SRGAP3: variants seen among roughly 807,000 people sequenced by gnomAD.
The protein encoded by SRGAP3 is SLIT-ROBO Rho GTPase-activating protein 3.
SRGAP3 carries 39 observed loss-of-function variants against 121.1 expected under a neutral mutation model. The observed-to-expected ratio is 0.32, with a 90% CI of 0.25 to 0.42. The LOEUF (loss-of-function observed/expected upper bound fraction) is 0.42, where lower values mean the gene tolerates loss of function less well. Among genes scored for constraint, SRGAP3 ranks in the 10% least tolerant of loss-of-function variants. SRGAP3 has a pLI of 1.00. For missense variants in SRGAP3, 1,213 were observed against 1,470.6 expected (o/e 0.82, Z 2.86); for synonymous variants, 601 against 570.0 (o/e 1.05, Z -0.77).
In SRGAP3 at chr3:8,994,397, C is replaced by T. The variant is rs769424266; in HGVS notation, c.2354G>A (p.Arg785Gln). 1.2e-5 allele frequency: 19 copies of T among 1,614,092 alleles called. No homozygotes were observed. The highest frequency in any genetic ancestry group is 1.6e-4 in the Middle Eastern group (1 of 6,084). ...HRASEDWWEG[R>Q]HNGVDGLIPH... Reference sequence around the variant, plus strand: ...GATGAGTCCATCCACGCCGTTGTGCCGGCCCTCCCACCAGTCCTCCGAGGC... The same window carrying T: ...GATGAGTCCATCCACGCCGTTGTGCTGGCCCTCCCACCAGTCCTCCGAGGC... The change falls in exon 19 of 22, where the codon CGG becomes CAG. Residue 785 changes from arginine (R) to glutamine (Q), a missense_variant. Physicochemically the swap from Arg to Gln is conservative, Grantham distance 43 (BLOSUM62 1). Around this residue, in one of 2 missense-constraint regions of SRGAP3, gnomAD observed 793 missense variants for 1,032.9 expected, o/e 0.77. Coordinates refer to ENST00000383836, the MANE Select transcript of SRGAP3 (RefSeq NM_014850.4).
upstream of SRGAP3, chr3:9,249,831 G>A (rs1953959968): frequency 5.1e-6 from 1 of 194,828 alleles, no homozygotes; most frequent in Non-Finnish European, 1.1e-5. Context: ...GGTAAGTCTT[G>A]AGAGGCTTCT....
At chr3:9,185,496 A>G (rs140546274) in intron 1 of SRGAP3, among the ~76,000 whole-genome samples, 1 of 152,104 alleles carries the variant, frequency 6.6e-6, no homozygotes, top group African/African-American at 2.4e-5. Context: ...ACTGCACTGG[A>G]TAAATGTTGA....
At chr3:9,072,699 A>C (rs766603954) in intron 4 of SRGAP3, among the ~76,000 whole-genome samples, 1 of 152,222 alleles carries the variant, frequency 6.6e-6, no homozygotes, top group Non-Finnish European at 1.5e-5. Context: ...GACGGGGGAA[A>C]CCGAGTGTCA....
intron 10 of SRGAP3, among the ~76,000 whole-genome samples, chr3:9,039,361 TAC>T (rs1410560371): frequency 6.6e-6 from 1 of 152,162 alleles, no homozygotes; most frequent in Non-Finnish European, 1.5e-5. Context: ...TTTCCTTTTC[TAC>T]ACATCCTCTC....
At chr3:9,063,585 C>T (rs574699681) in intron 5 of SRGAP3, among the ~76,000 whole-genome samples, 5 of 152,182 alleles carry the variant, frequency 3.3e-5, no homozygotes, top group South Asian at 4.2e-4. Context: ...ACGATCCTCC[C>T]GCCTTGGCCT....
intron 12 of SRGAP3, chr3:9,028,063 A>G (rs416685): frequency 0.77 from 1,246,810 of 1,612,566 alleles, 484,602 homozygotes; most frequent in African/African-American, 0.94. Context: ...AGTTTCCATC[A>G]CGGTGAATGG....
chr3:9,293,016 AAAAGAAAGAAAG>A (rs200371837), intron 3 of SRGAP3: 2 of 151,364 alleles, frequency 1.3e-5, no homozygotes, highest in East Asian at 1.9e-4. Context: ...GCTGAAAAAA[AAAAGAAAGAAAG>A]AAAGAAAGAA....
intron 2 of SRGAP3, among the ~76,000 whole-genome samples, chr3:9,119,382 C>T (rs1948921807): frequency 6.6e-6 from 1 of 152,174 alleles, no homozygotes; most frequent in Admixed American, 6.5e-5. Context: ...GTCTTTTAAA[C>T]ATATAAATCA....
At chr3:9,252,217 A>C (rs1001161261), upstream of SRGAP3, among the ~76,000 whole-genome samples, 1 of 152,110 alleles carries the variant, frequency 6.6e-6, no homozygotes, top group Non-Finnish European at 1.5e-5. Context: ...CCATGATTGG[A>C]AGCTTCCTGA....
At chr3:9,226,225 T>A (rs1952985116) in intron 1 of SRGAP3, among the ~76,000 whole-genome samples, 1 of 152,214 alleles carries the variant, frequency 6.6e-6, no homozygotes, top group African/African-American at 2.4e-5. Context: ...AAGTTTACAT[T>A]TCCATTTTGA....
intron 1 of SRGAP3, among the ~76,000 whole-genome samples, chr3:9,334,152 T>C (rs1281971174): frequency 6.6e-6 from 1 of 152,170 alleles, no homozygotes; most frequent in Non-Finnish European, 1.5e-5. Context: ...GAATGTTGAT[T>C]TATTTTGTTT....
intron 3 of SRGAP3, 100 bp downstream of exon 3, chr3:9,104,580 C>G: frequency 1.3e-6 from 2 of 1,513,130 alleles, no homozygotes; most frequent in Non-Finnish European, 1.8e-6. Context: ...CCCTCCTGGT[C>G]CCTTGTCTCC....
At chr3:9,097,432 G>T (rs1177339430) in intron 3 of SRGAP3, among the ~76,000 whole-genome samples, 1 of 152,128 alleles carries the variant, frequency 6.6e-6, no homozygotes, top group Non-Finnish European at 1.5e-5. Context: ...AGAGTTTAAG[G>T]GATTAGGTGG....
intron 1 of SRGAP3, among the ~76,000 whole-genome samples, chr3:9,223,120 G>A (rs188382207): frequency 2.0e-4 from 30 of 152,316 alleles, no homozygotes; most frequent in African/African-American, 7.0e-4. Context: ...GCAAACTACA[G>A]CCCATGAGTC....
chr3:9,327,325 T>A (rs1182779170), intron 2 of SRGAP3, among the ~76,000 whole-genome samples: 3 of 151,876 alleles, frequency 2.0e-5, no homozygotes, highest in Non-Finnish European at 4.4e-5. Flanking sequence ...ACACACAGAA[T>A]CTCTTACAAT....
At chr3:9,203,478 T>G (rs1234809093) in intron 1 of SRGAP3, among the ~76,000 whole-genome samples, 1 of 152,222 alleles carries the variant, frequency 6.6e-6, no homozygotes, top group Non-Finnish European at 1.5e-5. Context: ...CACATGTTTG[T>G]TTCCATCCCT....
intron 3 of SRGAP3, among the ~76,000 whole-genome samples, chr3:9,267,164 G>A (rs1454601236): frequency 6.6e-6 from 1 of 152,142 alleles, no homozygotes; most frequent in Non-Finnish European, 1.5e-5. Context: ...GAGGATTTAG[G>A]ACATCTATGG....
At chr3:9,178,513 T>C (rs1391826448) in intron 1 of SRGAP3, among the ~76,000 whole-genome samples, 2 of 152,238 alleles carry the variant, frequency 1.3e-5, no homozygotes, top group African/African-American at 2.4e-5. Flanking sequence ...CCAGTCTGAA[T>C]TGTGTTTTTG....
chr3:9,060,117 T>TCAAAA, intron 6 of SRGAP3, 114 bp downstream of exon 6: 1 of 1,540,820 alleles, frequency 6.5e-7, no homozygotes, highest in South Asian at 1.1e-5. Flanking sequence ...TCAAAAGAGC[T>TCAAAA]GTGGCTACCC....
Sources: allele counts gnomAD v4.1 joint callset (sites outside exome capture counted in the v4.1 genomes callset), GRCh38; gene constraint gnomAD v4.1.1; regional missense constraint gnomAD v4.1.1; transcripts MANE v1.5; gene names NCBI Gene and HGNC (gene_info 2026-07-23, HGNC 2026-07-21).